Variants in SLC14A2 observed in about 807,000 individuals in gnomAD.
SLC14A2 encodes the protein solute carrier family 14 member 2, also known as urea transporter 2.
SLC14A2 carries 91 observed loss-of-function variants against 104.6 expected under a neutral mutation model. The observed-to-expected ratio is 0.87, with a 90% confidence interval of 0.73 to 1.04. The LOEUF (loss-of-function observed/expected upper bound fraction) is 1.04, where lower values mean the gene tolerates loss of function less well. SLC14A2 is among the 50% of genes least tolerant of loss of function. SLC14A2 has a pLI of 0.00. For synonymous variants in SLC14A2, 476 were observed against 466.4 expected, an observed-to-expected ratio of 1.02 and a Z score of -0.27; for missense variants, 1,189 against 1,156.0, an observed-to-expected ratio of 1.03 and a Z score of -0.41.
chr18:45,508,988 G>A (rs1336828723), intron 2 of SLC14A2, among the ~76,000 whole-genome samples: 1 of 152,198 alleles, frequency 6.6e-6, no homozygotes, highest in East Asian at 1.9e-4. Context: ...AGATCCATCT[G>A]AGGCAAAATG....
chr18:45,642,262 T>C (rs895439132), intron 8 of SLC14A2, among the ~76,000 whole-genome samples: 5 of 152,216 alleles, frequency 3.3e-5, no homozygotes, highest in African/African-American at 7.2e-5. Flanking sequence ...ATGACTTCCA[T>C]ATCCCTTGTA....
At chr18:45,606,748 C>A (rs10557915) in intron 2 of SLC14A2, among the ~76,000 whole-genome samples, 1,414 of 87,684 alleles carry the variant, frequency 0.016, 49 homozygotes, top group African/African-American at 0.042. Context: ...AAAAAAAAAA[C>A]AAAACAAAAA....
intron 1 of SLC14A2, among the ~76,000 whole-genome samples, chr18:45,261,285 T>C (rs1455390709): frequency 6.6e-6 from 1 of 151,682 alleles, no homozygotes; most frequent in African/African-American, 2.4e-5. Context: ...GTCCTTGCGA[T>C]AGTTTGCTGA....
intron 1 of SLC14A2, among the ~76,000 whole-genome samples, chr18:45,454,464 C>A (rs2086908995): frequency 6.6e-6 from 1 of 152,204 alleles, no homozygotes; most frequent in Non-Finnish European, 1.5e-5. Context: ...TGCCTGTTCA[C>A]TCTGCTGATA....
At chr18:45,253,078 T>A (rs945696574) in intron 1 of SLC14A2, among the ~76,000 whole-genome samples, 1 of 152,184 alleles carries the variant, frequency 6.6e-6, no homozygotes, top group Non-Finnish European at 1.5e-5. Context: ...CTCCAATTCT[T>A]AATCCCTTCT....
intron 1 of SLC14A2, among the ~76,000 whole-genome samples, chr18:45,283,167 C>T (rs535893245): frequency 1.1e-4 from 16 of 152,078 alleles, no homozygotes; most frequent in East Asian, 5.8e-4. Context: ...ACTTAATACC[C>T]GCTCTAAGGA....
chr18:45,538,242 A>T (rs2043825430), intron 2 of SLC14A2, among the ~76,000 whole-genome samples: 1 of 152,206 alleles, frequency 6.6e-6, no homozygotes, highest in Admixed American at 6.5e-5. Flanking sequence ...ATCCCAGAAG[A>T]TGCAGGAGAG....
chr18:45,256,580 A>G (rs190722478), intron 1 of SLC14A2, among the ~76,000 whole-genome samples: 4 of 152,342 alleles, frequency 2.6e-5, no homozygotes, highest in Admixed American at 1.3e-4. Flanking sequence ...GGTGGAAGGC[A>G]TCTTAATGGA....
At position 45,668,000 on chromosome 18, in the gene SLC14A2, G is replaced by A. The variant is rs1599151800; in HGVS notation, c.1885G>A (p.Ala629Thr). 1 of 1,614,110 alleles carries A rather than the reference G, an allele frequency of 6.2e-7. No homozygotes were observed. Among genetic ancestry groups the A allele is most frequent in the Admixed American group, 1.7e-5 (1 of 60,018 alleles). The change falls in exon 14 of 20, where the codon GCC becomes ACC. Residue 629 changes from alanine (A) to threonine (T), a missense_variant. Physicochemically the swap from Ala to Thr is moderately conservative, Grantham distance 58 (BLOSUM62 0). Transcript: ENST00000255226. Reference sequence around the variant, plus strand: ...GGGTACCATCATGTCCACCTTGACAGCCCTCATCCTGAGTCAGGACAAGTA... The same window carrying A: ...GGGTACCATCATGTCCACCTTGACAACCCTCATCCTGAGTCAGGACAAGTA... ...CLGTIMSTLT[A>T]LILSQDKSAI... is the part of the protein sequence containing the mutation.
Position 45,284,436 on chromosome 18 carries a change from G to A in SLC14A2, c.-125+71245G>A, listed in dbSNP as rs116094048. Among the ~76,000 whole-genome samples, 13 of 152,180 alleles carry A rather than the reference G, an allele frequency of 8.5e-5. No individual in the cohort carries two copies. The East Asian group carries it at 2.5e-3, about 29-fold the overall frequency. ...TCTGTGTTTGGCAATGTTTTGGCAGGCGCTGTCTCCTTCATGCTCTAGGTC... is the reference window on the plus strand; with the variant it reads ...TCTGTGTTTGGCAATGTTTTGGCAGACGCTGTCTCCTTCATGCTCTAGGTC... On this transcript the variant is annotated intron_variant, in intron 1 of 20. Transcript: ENST00000586448.
At chr18:45,239,536 G>A (rs983027213) in intron 1 of SLC14A2, among the ~76,000 whole-genome samples, 3 of 152,250 alleles carry the variant, frequency 2.0e-5, no homozygotes, top group African/African-American at 7.2e-5. Flanking sequence ...GGTGCCTGCT[G>A]TGCTCTTGAT....
At chr18:45,239,012 A>T (rs562418265) in intron 1 of SLC14A2, among the ~76,000 whole-genome samples, 19 of 152,366 alleles carry the variant, frequency 1.2e-4, no homozygotes, top group African/African-American at 4.3e-4. Context: ...TAATAAGTGT[A>T]TATAAGATAA....
intron 1 of SLC14A2, among the ~76,000 whole-genome samples, chr18:45,259,445 A>G (rs923218756): frequency 1.3e-5 from 2 of 152,342 alleles, no homozygotes; most frequent in African/African-American, 4.8e-5. Flanking sequence ...TTCATTTCAC[A>G]TAAATGGCAC....
intron 2 of SLC14A2, among the ~76,000 whole-genome samples, chr18:45,536,149 C>G (rs986665681): frequency 1.3e-5 from 2 of 152,182 alleles, no homozygotes; most frequent in African/African-American, 4.8e-5. Context: ...TGAGAGAAAA[C>G]AGTCTGGAGA....
chr18:45,240,622 G>T (rs2144048560), intron 1 of SLC14A2, among the ~76,000 whole-genome samples: 1 of 151,546 alleles, frequency 6.6e-6, no homozygotes, highest in Non-Finnish European at 1.5e-5. Flanking sequence ...GTCTTGGAGG[G>T]AGAAAGTGTT....
At chr18:45,330,962 C>A (rs1190976171) in intron 1 of SLC14A2, among the ~76,000 whole-genome samples, 1 of 151,950 alleles carries the variant, frequency 6.6e-6, no homozygotes, top group Non-Finnish European at 1.5e-5. Context: ...CATGCATTTT[C>A]AAAAAATACG....
At chr18:45,369,295 C>T (rs1486422684) in intron 1 of SLC14A2, among the ~76,000 whole-genome samples, 1 of 152,184 alleles carries the variant, frequency 6.6e-6, no homozygotes, top group Non-Finnish European at 1.5e-5. Flanking sequence ...ATGCACTTCT[C>T]TTTAGGGTTA....
At chr18:45,661,332 CT>C (rs1448159042) in intron 10 of SLC14A2, among the ~76,000 whole-genome samples, 1 of 152,196 alleles carries the variant, frequency 6.6e-6, no homozygotes, top group Non-Finnish European at 1.5e-5. Flanking sequence ...TGGAGTGCCT[CT>C]TTGGATATAT....
chr18:45,347,495 G>A (rs2085461116), intron 1 of SLC14A2, among the ~76,000 whole-genome samples: 1 of 152,124 alleles, frequency 6.6e-6, no homozygotes, highest in African/African-American at 2.4e-5. Context: ...ACAAGAATGG[G>A]CCATTCCATC....
Sources: allele counts gnomAD v4.1 joint callset (sites outside exome capture counted in the v4.1 genomes callset), GRCh38; gene constraint gnomAD v4.1.1; transcripts MANE v1.5; gene names NCBI Gene and HGNC (gene_info 2026-07-23, HGNC 2026-07-21).